GLIS3: variants seen among roughly 807,000 people sequenced by gnomAD.
The protein encoded by GLIS3 is zinc finger protein GLIS3.
In GLIS3, 53 loss-of-function variants were observed where a neutral mutation model predicts 78.6. That is an observed-to-expected ratio of 0.67 (90% CI 0.54 to 0.85). The LOEUF (loss-of-function observed/expected upper bound fraction) is 0.85. Among genes scored for constraint, GLIS3 ranks in the 40% least tolerant of loss-of-function variants. The probability of loss-of-function intolerance (pLI) is 0.00; values close to 1 mark genes in which losing one functional copy is unlikely to be tolerated. For synonymous variants in GLIS3, 684 were observed against 509.9 expected (o/e 1.34, Z -4.60); for missense variants, 1,703 against 1,231.1 (o/e 1.38, Z -5.74).
At chr9:4,020,536 T>C (rs12340261) in intron 4 of GLIS3, among the ~76,000 whole-genome samples, 4,876 of 152,282 alleles carry the variant, frequency 0.032, 255 homozygotes, top group African/African-American at 0.11. Flanking sequence ...TTTCATCCTT[T>C]CAACCAGTTA....
rs142098538 is a variant in GLIS3 at position 4,117,752 on chromosome 9, C to A, written c.1710+16G>T. The stretch of plus-strand genomic sequence containing the variant: ...GGCCTTCAAGAGAGGTCACCCCTTG[C>A]GCTTCGGAAACTCACCGTACACTTG... On this transcript the variant is annotated intron_variant, in intron 4 of 10. Transcript: ENST00000381971. 2.1e-4 allele frequency: 334 copies of A among 1,614,142 alleles called. No homozygotes were observed. The highest frequency in any genetic ancestry group is 1.0e-3 in the Admixed American group (60 of 60,026).
At chr9:4,442,498 C>T in the GLIS3 span, among the ~76,000 whole-genome samples, 119 of 152,174 alleles carry the variant, frequency 7.8e-4, no homozygotes, top group African/African-American at 2.7e-3. Context: ...AGTGAAAACA[C>T]GATCAGATAA....
rs559133428 is a variant in GLIS3, at chr9:4,160,398, C to A, written c.389-34457G>T. Among the ~76,000 whole-genome samples, 3 of 152,294 alleles carry A rather than the reference C, an allele frequency of 2.0e-5. No individual in the cohort carries two copies. In the South Asian group the frequency reaches 6.2e-4, roughly 32 times the overall value. Reference sequence around the variant, plus strand: ...GGGTTTATGCAAACCAGTAAAAATTCCAAAAGGATCTGATGCCAGGAAAAT... The same window carrying A: ...GGGTTTATGCAAACCAGTAAAAATTACAAAAGGATCTGATGCCAGGAAAAT... On this transcript the variant is annotated intron_variant, in intron 2 of 10. Coordinates refer to ENST00000381971, the MANE Select transcript of GLIS3 (RefSeq NM_001042413.2).
At chr9:3,956,028 C>CCAAAA (rs1491307787) in intron 4 of GLIS3, among the ~76,000 whole-genome samples, 73 of 87,118 alleles carry the variant, frequency 8.4e-4, no homozygotes, top group East Asian at 2.0e-3. Context: ...CCAGATTCAG[C>CCAAAA]AAAAAAAAAA....
intron 4 of GLIS3, among the ~76,000 whole-genome samples, chr9:4,112,532 A>C (rs557714349): frequency 6.6e-6 from 1 of 152,308 alleles, no homozygotes; most frequent in East Asian, 1.9e-4. Context: ...ATCCCAGGCC[A>C]ATTACATCAC....
intron 4 of GLIS3, among the ~76,000 whole-genome samples, chr9:4,108,205 G>A (rs1174735945): frequency 6.6e-6 from 1 of 152,076 alleles, no homozygotes; most frequent in Non-Finnish European, 1.5e-5. Flanking sequence ...AGAGTTTTTG[G>A]TCTAAGGAAG....
At chr9:4,143,163 G>A (rs1392384928) in intron 2 of GLIS3, among the ~76,000 whole-genome samples, 1 of 152,120 alleles carries the variant, frequency 6.6e-6, no homozygotes. Flanking sequence ...CGTACACACT[G>A]TGAAACAATT....
chr9:4,239,227 T>A (rs988055330), intron 2 of GLIS3, among the ~76,000 whole-genome samples: 3 of 147,230 alleles, frequency 2.0e-5, no homozygotes, highest in African/African-American at 7.5e-5. Flanking sequence ...AAATGACGAG[T>A]TAATGGGTGC....
intron 9 of GLIS3, among the ~76,000 whole-genome samples, chr9:3,832,977 G>A (rs1355964517): frequency 6.6e-6 from 1 of 152,184 alleles, no homozygotes; most frequent in East Asian, 1.9e-4. Context: ...AGAGGGAACA[G>A]AAGTGTCAAA....
chr9:4,069,478 A>C (rs1827402873), intron 4 of GLIS3, among the ~76,000 whole-genome samples: 2 of 152,206 alleles, frequency 1.3e-5, no homozygotes, highest in Admixed American at 6.5e-5. Flanking sequence ...ACGCACACTA[A>C]AAGACCAGTC....
intron 4 of GLIS3, among the ~76,000 whole-genome samples, chr9:3,968,641 T>C (rs893055644): frequency 5.3e-5 from 8 of 152,196 alleles, no homozygotes; most frequent in Admixed American, 2.0e-4. Flanking sequence ...GCCAATTTCA[T>C]CATTTTTAAC....
At chr9:3,951,870 A>ACACACACACG (rs1816710525) in intron 4 of GLIS3, among the ~76,000 whole-genome samples, 1 of 150,080 alleles carries the variant, frequency 6.7e-6, no homozygotes, top group African/African-American at 2.5e-5. Flanking sequence ...ACACACACAC[A>ACACACACACG]CACACACACA....
chr9:4,176,604 T>G (rs1327795661), intron 2 of GLIS3, among the ~76,000 whole-genome samples: 2 of 152,140 alleles, frequency 1.3e-5, no homozygotes, highest in African/African-American at 4.8e-5. Context: ...CTATGCACAT[T>G]TCTTTCATCA....
In GLIS3 at chr9:4,286,332, G is replaced by A. The variant is rs753993867; in HGVS notation, c.94C>T (p.Arg32Ter). ...MVSGHHIPAI[R>*]AHSGTPGPSP... ...GGGCCAGGAGTCCCGGAGTGGGCTC[G>A]GATGGCAGGAATGTGATGACCACTG... Residue 32 changes from arginine to a stop codon, truncating the protein, a stop_gained, in exon 2 of 11, where the codon CGA (arginine) becomes TGA (stop). Transcript: ENST00000381971. LOFTEE classifies it high-confidence loss of function. 1.9e-5 allele frequency: 30 copies of A among 1,614,088 alleles called. No homozygotes were observed. In the Middle Eastern group the frequency reaches 4.9e-4, roughly 27 times the overall value.
intron 2 of GLIS3, among the ~76,000 whole-genome samples, chr9:4,336,380 C>A (rs370509480): frequency 6.6e-6 from 1 of 152,134 alleles, no homozygotes; most frequent in African/African-American, 2.4e-5. Context: ...GCCAAAGCCA[C>A]CAGGCCAGGC....
chr9:4,202,936 T>A (rs1472461789), intron 2 of GLIS3, among the ~76,000 whole-genome samples: 1 of 152,118 alleles, frequency 6.6e-6, no homozygotes, highest in Admixed American at 6.5e-5. Context: ...AGTCCTAAAG[T>A]CAAAGGCAAT....
chr9:3,885,559 G>A (rs1822021180), intron 7 of GLIS3, among the ~76,000 whole-genome samples: 1 of 152,182 alleles, frequency 6.6e-6, no homozygotes, highest in Non-Finnish European at 1.5e-5. Flanking sequence ...ATGGGAAGAG[G>A]TGTTGGCTCA....
chr9:4,070,112 A>T (rs2130627220), intron 4 of GLIS3, among the ~76,000 whole-genome samples: 1 of 152,258 alleles, frequency 6.6e-6, no homozygotes, highest in Admixed American at 6.5e-5. Flanking sequence ...ATAATATATG[A>T]CTTCCATATT....
intron 8 of GLIS3, among the ~76,000 whole-genome samples, chr9:3,859,242 C>T (rs1345018797): frequency 6.6e-6 from 1 of 152,110 alleles, no homozygotes; most frequent in African/African-American, 2.4e-5. Context: ...TACTTAGATG[C>T]TCACTAAGCA....
Sources: allele counts gnomAD v4.1 joint callset (sites outside exome capture counted in the v4.1 genomes callset), GRCh38; gene constraint gnomAD v4.1.1; transcripts MANE v1.5; gene names NCBI Gene and HGNC (gene_info 2026-07-23, HGNC 2026-07-21).